ZFAT: variants seen among roughly 807,000 people sequenced by gnomAD.
ZFAT encodes the protein zinc finger protein ZFAT.
Under a neutral mutation model 117.7 loss-of-function variants are expected in ZFAT, and 64 were observed. The observed-to-expected ratio is 0.54, with a 90% CI of 0.44 to 0.67. The LOEUF (loss-of-function observed/expected upper bound fraction) is 0.67. ZFAT is among the 30% of genes least tolerant of loss of function. ZFAT has a pLI of 0.00. For missense variants in ZFAT, 1,433 were observed against 1,584.5 expected, an observed-to-expected ratio of 0.90 and a Z score of 1.62; for synonymous variants, 679 against 615.0, an observed-to-expected ratio of 1.10 and a Z score of -1.54.
intron 11 of ZFAT, 65 bp from the exon 12 acceptor site, chr8:134,533,037 C>T (rs1821548511): frequency 1.3e-6 from 2 of 1,541,840 alleles, no homozygotes; most frequent in Non-Finnish European, 1.7e-6. Flanking sequence ...GCTGCTGCTC[C>T]CACCTGGTGA....
chr8:134,621,279 G>A (rs1454295237), intron 3 of ZFAT, among the ~76,000 whole-genome samples: 1 of 151,684 alleles, frequency 6.6e-6, no homozygotes, highest in Non-Finnish European at 1.5e-5. Flanking sequence ...ATTTCTAACA[G>A]TAGTCTATGC....
At chr8:134,570,275 G>A (rs769501046) in intron 10 of ZFAT, among the ~76,000 whole-genome samples, 2 of 152,084 alleles carry the variant, frequency 1.3e-5, no homozygotes, top group Non-Finnish European at 2.9e-5. Flanking sequence ...CCCCTTTACT[G>A]ATTCATTTTT....
At chr8:134,603,261 G>T (rs747596280) in intron 5 of ZFAT, among the ~76,000 whole-genome samples, 2 of 152,198 alleles carry the variant, frequency 1.3e-5, no homozygotes, top group Admixed American at 1.3e-4. Context: ...TTGAGGAAGA[G>T]ATGTCTGTCT....
intron 3 of ZFAT, among the ~76,000 whole-genome samples, chr8:134,612,831 G>A (rs1185377970): frequency 1.3e-5 from 2 of 152,228 alleles, no homozygotes; most frequent in Non-Finnish European, 2.9e-5. Context: ...TGAAGAGCAT[G>A]ATGACTCCTA....
chr8:134,762,106 A>G, the ZFAT span, among the ~76,000 whole-genome samples: 2 of 152,042 alleles, frequency 1.3e-5, no homozygotes, highest in Non-Finnish European at 2.9e-5. Context: ...ACAACACTCC[A>G]TTGGCCAAAG....
the ZFAT span, chr8:134,765,055 G>C: frequency 6.6e-6 from 1 of 152,306 alleles, no homozygotes; most frequent in African/African-American, 2.4e-5. Context: ...CCAGGAGCTG[G>C]AGATGGAAAG....
the ZFAT span, among the ~76,000 whole-genome samples, chr8:134,805,821 A>C: frequency 1.3e-5 from 2 of 151,974 alleles, no homozygotes; most frequent in African/African-American, 4.8e-5. Flanking sequence ...ACCTCTAAAA[A>C]CATACAACAT....
chr8:134,543,959 C>T lies in ZFAT; in HGVS notation c.2977-10987G>A, dbSNP rs995853927. On this transcript the variant is annotated intron_variant, in intron 11 of 15. Transcript: ENST00000377838. The stretch of plus-strand genomic sequence containing the variant: ...TTTGAGCCAAACTTGATGAGTTCAA[C>T]GTTTTCTTTAACCTCAAGTTATTAA... Among the ~76,000 whole-genome samples the T allele has an allele frequency of 1.1e-4, 17 of 152,250 alleles. 1 individual carries two copies. The highest frequency in any genetic ancestry group is 8.3e-4 in the South Asian group (4 of 4,814).
At chr8:134,664,200 C>A (rs1372267033) in intron 1 of ZFAT, among the ~76,000 whole-genome samples, 3 of 152,038 alleles carry the variant, frequency 2.0e-5, no homozygotes, top group African/African-American at 7.2e-5. Flanking sequence ...GCCCATGATC[C>A]CCACTCTACA....
intron 11 of ZFAT, among the ~76,000 whole-genome samples, chr8:134,555,160 G>A (rs1385342587): frequency 6.6e-6 from 1 of 152,176 alleles, no homozygotes; most frequent in Non-Finnish European, 1.5e-5. Context: ...TCTCCAAGTG[G>A]AGCCACACAG....
At chr8:134,669,735 C>G (rs1832456163) in intron 1 of ZFAT, among the ~76,000 whole-genome samples, 1 of 152,188 alleles carries the variant, frequency 6.6e-6, no homozygotes, top group African/African-American at 2.4e-5. Context: ...ATGACAGGAT[C>G]AAATTCACAC....
rs145414668 is a variant in ZFAT, at chr8:134,479,272, G to A, written c.3493-551C>T. 1.2e-3 allele frequency among the ~76,000 whole-genome samples: 184 copies of A among 152,324 alleles called. 2 individuals are homozygous for A. The highest frequency in any genetic ancestry group is 0.011 in the Admixed American group (161 of 15,308). On this transcript the variant is annotated intron_variant, in intron 15 of 15. Coordinates refer to ENST00000377838, the MANE Select transcript of ZFAT (RefSeq NM_020863.4). ...GCCTGATTTTCCCCAGGTGTCGTCC[G>A]TCCAGCAACACTAATGCCTTAACTA... is the stretch of plus-strand genomic sequence containing the variant.
At chr8:134,636,125 T>TAC (rs1830198146) in intron 3 of ZFAT, among the ~76,000 whole-genome samples, 1 of 152,218 alleles carries the variant, frequency 6.6e-6, no homozygotes, top group East Asian at 1.9e-4. Flanking sequence ...GTTGATGAGT[T>TAC]ACTCAATAAT....
At chr8:134,594,328 A>G (rs1826753251) in intron 7 of ZFAT, among the ~76,000 whole-genome samples, 1 of 152,236 alleles carries the variant, frequency 6.6e-6, no homozygotes, top group Non-Finnish European at 1.5e-5. Flanking sequence ...CTCTACTTTA[A>G]AAGTACACAT....
chr8:134,732,518 C>T, the ZFAT span, among the ~76,000 whole-genome samples: 1 of 152,174 alleles, frequency 6.6e-6, no homozygotes, highest in Non-Finnish European at 1.5e-5. Context: ...CTCTCCCTCA[C>T]CCTCAACAAC....
chr8:134,731,765 G>A, the ZFAT span, among the ~76,000 whole-genome samples: 7 of 151,956 alleles, frequency 4.6e-5, no homozygotes, highest in South Asian at 2.1e-4. Context: ...ATGATTCAGC[G>A]GCTAGTCCCA....
chr8:134,698,666 T>C (rs933511850), intron 1 of ZFAT, among the ~76,000 whole-genome samples: 1 of 151,944 alleles, frequency 6.6e-6, no homozygotes, highest in Admixed American at 6.6e-5. Context: ...AAAGAGGAAC[T>C]CTCCTCCCAC....
At chr8:134,713,663 T>C (rs1814126770), upstream of ZFAT, among the ~76,000 whole-genome samples, 1 of 152,188 alleles carries the variant, frequency 6.6e-6, no homozygotes, top group African/African-American at 2.4e-5. Context: ...ATTTCTCTGC[T>C]TGTGGCACAG....
chr8:134,600,745 T>C, intron 6 of ZFAT, 77 bp from the exon 7 acceptor site: 1 of 1,169,534 alleles, frequency 8.6e-7, no homozygotes, highest in Non-Finnish European at 1.2e-6. Context: ...ATTATTATTT[T>C]TTATCTACAA....
Sources: allele counts gnomAD v4.1 joint callset (sites outside exome capture counted in the v4.1 genomes callset), GRCh38; gene constraint gnomAD v4.1.1; transcripts MANE v1.5; gene names NCBI Gene and HGNC (gene_info 2026-07-23, HGNC 2026-07-21).